ARK2C: variants seen among roughly 807,000 people sequenced by gnomAD.
ARK2C encodes arkadia (RNF111) C-terminal like ring finger ubiquitin ligase 2C.
At chr18:46,437,146 C>T in the ARK2C span, among the ~76,000 whole-genome samples, 1 of 152,212 alleles carries the variant, frequency 6.6e-6, no homozygotes, top group African/African-American at 2.4e-5. Context: ...GGTCCCTGCC[C>T]TAGCAGGGGA....
chr18:46,388,318 GAAACA>G, the ARK2C span, among the ~76,000 whole-genome samples: 1 of 152,110 alleles, frequency 6.6e-6, no homozygotes, highest in African/African-American at 2.4e-5. Flanking sequence ...AAGTTGGCAG[GAAACA>G]AAACAAAACA....
chr18:46,444,904 T>C, the ARK2C span, among the ~76,000 whole-genome samples: 1 of 152,186 alleles, frequency 6.6e-6, no homozygotes, highest in Non-Finnish European at 1.5e-5. Context: ...AGAAGTTCCA[T>C]TGGCATCATT....
the ARK2C span, chr18:46,458,129 A>G: frequency 3.3e-5 from 5 of 152,436 alleles, no homozygotes; most frequent in African/African-American, 9.7e-5. Flanking sequence ...TTCTCTGTCC[A>G]GCGTGTTCTA....
the ARK2C span, among the ~76,000 whole-genome samples, chr18:46,402,518 T>G: frequency 1.4e-5 from 2 of 144,724 alleles, no homozygotes; most frequent in Non-Finnish European, 2.9e-5. Context: ...CATGTGTGTG[T>G]TTTTTTTTCT....
the ARK2C span, among the ~76,000 whole-genome samples, chr18:46,406,950 A>T: frequency 2.0e-5 from 3 of 151,088 alleles, no homozygotes; most frequent in African/African-American, 7.3e-5. Context: ...TCCTGAGATC[A>T]CCCTCATCAT....
At chr18:46,456,514 T>C in the ARK2C span, 4 of 1,609,608 alleles carry the variant, frequency 2.5e-6, no homozygotes, top group Non-Finnish European at 3.4e-6. Context: ...CCTCCTCTCT[T>C]CCAGACGCCT....
the ARK2C span, among the ~76,000 whole-genome samples, chr18:46,405,303 C>G: frequency 6.6e-6 from 1 of 152,110 alleles, no homozygotes; most frequent in Non-Finnish European, 1.5e-5. Context: ...CGTGGCCAGA[C>G]AGGTTGTCCC....
chr18:46,396,209 G>T, the ARK2C span, among the ~76,000 whole-genome samples: 126 of 152,314 alleles, frequency 8.3e-4, no homozygotes, highest in Non-Finnish European at 1.3e-3. Flanking sequence ...TCAAAGATGG[G>T]GAAATAGACT....
At chr18:46,391,622 GA>G in the ARK2C span, among the ~76,000 whole-genome samples, 1 of 151,836 alleles carries the variant, frequency 6.6e-6, no homozygotes, top group Admixed American at 6.6e-5. Flanking sequence ...CCCTCACCCT[GA>G]GCTGTTCTGC....
chr18:46,413,769 T>C, the ARK2C span, among the ~76,000 whole-genome samples: 1 of 152,108 alleles, frequency 6.6e-6, no homozygotes, highest in Non-Finnish European at 1.5e-5. Context: ...GCACATTACA[T>C]ATGCACGTGG....
chr18:46,389,467 A>G, the ARK2C span, among the ~76,000 whole-genome samples: 1 of 152,312 alleles, frequency 6.6e-6, no homozygotes, highest in South Asian at 2.1e-4. Context: ...ACGGAAGTAT[A>G]TGTAGGAGTG....
chr18:46,439,555 C>T, the ARK2C span, among the ~76,000 whole-genome samples: 2 of 152,208 alleles, frequency 1.3e-5, no homozygotes. Context: ...ACACAGCACA[C>T]TGCAAGAAAC....
At chr18:46,387,279 G>A in the ARK2C span, among the ~76,000 whole-genome samples, 3 of 152,202 alleles carry the variant, frequency 2.0e-5, no homozygotes, top group Non-Finnish European at 4.4e-5. Flanking sequence ...GTCCCATTCA[G>A]CAAGTGGGTG....
At chr18:46,334,186 C>A in the ARK2C span, 1 of 871,026 alleles carries the variant, frequency 1.1e-6, no homozygotes, top group Non-Finnish European at 1.4e-6. This position sits in a 1 kb window ranked among gnomAD's most constrained non-coding sequence, Gnocchi z 4.4. Context: ...GCTCCCGCAG[C>A]CCCGCCGCCG....
At chr18:46,383,178 G>T in the ARK2C span, among the ~76,000 whole-genome samples, 3 of 152,244 alleles carry the variant, frequency 2.0e-5, no homozygotes, top group African/African-American at 7.2e-5. Flanking sequence ...TCCAAAAAGG[G>T]AGATGCCGTC....
chr18:46,428,228 G>C, the ARK2C span, among the ~76,000 whole-genome samples: 1 of 152,104 alleles, frequency 6.6e-6, no homozygotes, highest in Non-Finnish European at 1.5e-5. Context: ...GGCCAACATG[G>C]TGAAACCCCG....
At chr18:46,463,078 C>T in the ARK2C span, 1 of 152,204 alleles carries the variant, frequency 6.6e-6, no homozygotes, top group Admixed American at 6.5e-5. Flanking sequence ...CTTAGATTCA[C>T]TTTTGGTGGA....
At chr18:46,371,662 T>C in the ARK2C span, among the ~76,000 whole-genome samples, 2 of 152,162 alleles carry the variant, frequency 1.3e-5, no homozygotes, top group Non-Finnish European at 2.9e-5. Context: ...CTCTGGGAAA[T>C]GAGAGCTGAA....
At chr18:46,362,594 C>T in the ARK2C span, among the ~76,000 whole-genome samples, 36 of 152,228 alleles carry the variant, frequency 2.4e-4, no homozygotes, top group Non-Finnish European at 4.7e-4. Flanking sequence ...AAGCCTCACT[C>T]GTTTTGACTA....
Sources: gnomAD v4.1 joint callset for allele counts (sites outside exome capture counted in the v4.1 genomes callset) on GRCh38, gnomAD v4.1.1 for gene constraint, Gnocchi (gnomAD v3.1) non-coding constraint, MANE v1.5 for transcripts, NCBI Gene and HGNC (gene_info 2026-07-23, HGNC 2026-07-21) for gene names.